TENM2: variants seen among roughly 807,000 people sequenced by gnomAD.
The protein encoded by TENM2 is teneurin-2.
Under a neutral mutation model 245.2 loss-of-function variants are expected in TENM2, and 52 were observed. The ratio of observed to expected loss-of-function variants is 0.21; its 90% CI spans 0.17 to 0.27. TENM2 has a LOEUF of 0.27. TENM2 is among the 10% of genes least tolerant of loss of function. TENM2 has a pLI of 1.00. For synonymous variants in TENM2, 1,363 were observed against 1,438.9 expected (o/e 0.95, Z 1.19); for missense variants, 3,046 against 3,666.8 (o/e 0.83, Z 4.37).
the TENM2 span, among the ~76,000 whole-genome samples, chr5:167,249,328 A>C: frequency 6.6e-6 from 1 of 152,130 alleles, no homozygotes; most frequent in Non-Finnish European, 1.5e-5. Context: ...TAAGGAAGGG[A>C]GTGGTAAATT....
chr5:167,207,441 G>C, the TENM2 span, among the ~76,000 whole-genome samples: 1 of 152,198 alleles, frequency 6.6e-6, no homozygotes, highest in African/African-American at 2.4e-5. Context: ...TTTTATTTAT[G>C]TTACAAAATA....
chr5:167,628,243 C>T (rs1778642437), intron 2 of TENM2, among the ~76,000 whole-genome samples: 1 of 152,154 alleles, frequency 6.6e-6, no homozygotes, highest in Admixed American at 6.5e-5. Context: ...TGGTCAGTGA[C>T]GTCTCTGTTT....
chr5:168,010,750 G>A lies in TENM2; in HGVS notation c.1186+17568G>A, dbSNP rs145948372. On this transcript the variant is annotated intron_variant, in intron 5 of 28. Coordinates refer to ENST00000518659, the Ensembl canonical transcript of TENM2. ...CAAATGCAAACACTCCTATTCTGCAGCTACGCTGATTAGCAGATCTTTTAT... is the reference window on the plus strand; with the variant it reads ...CAAATGCAAACACTCCTATTCTGCAACTACGCTGATTAGCAGATCTTTTAT... Among the ~76,000 whole-genome samples, 250 of 152,384 alleles carry A rather than the reference G, an allele frequency of 1.6e-3. 2 individuals carry two copies. The highest frequency in any genetic ancestry group is 5.8e-3 in the African/African-American group (240 of 41,598).
intron 2 of TENM2, among the ~76,000 whole-genome samples, chr5:167,718,124 G>A (rs1759387878): frequency 6.6e-6 from 1 of 152,180 alleles, no homozygotes; most frequent in Non-Finnish European, 1.5e-5. Flanking sequence ...CTGGCTTCCT[G>A]CAACATGACT....
intron 1 of TENM2, among the ~76,000 whole-genome samples, chr5:167,318,104 C>T (rs902417872): frequency 3.9e-5 from 6 of 152,126 alleles, no homozygotes; most frequent in Admixed American, 3.9e-4. Flanking sequence ...ACACAGAATG[C>T]AGATGGTGTG....
At chr5:167,485,943 G>GCA (rs1397427555) in intron 2 of TENM2, among the ~76,000 whole-genome samples, 1 of 151,914 alleles carries the variant, frequency 6.6e-6, no homozygotes, top group Admixed American at 6.6e-5. Flanking sequence ...TCATCTATGT[G>GCA]CACACACACA....
the TENM2 span, among the ~76,000 whole-genome samples, chr5:167,049,259 C>T: frequency 6.6e-6 from 1 of 152,210 alleles, no homozygotes; most frequent in Admixed American, 6.5e-5. Flanking sequence ...AATCAGCGCC[C>T]TCTAGGCACT....
At chr5:166,994,640 G>A in the TENM2 span, among the ~76,000 whole-genome samples, 1 of 152,274 alleles carries the variant, frequency 6.6e-6, no homozygotes, top group South Asian at 2.1e-4. Flanking sequence ...TATGTCTGGG[G>A]GAAAGGCAGG....
intron 2 of TENM2, among the ~76,000 whole-genome samples, chr5:167,445,371 T>TGAGAGA (rs370726285): frequency 6.1e-5 from 5 of 81,636 alleles, no homozygotes; most frequent in African/African-American, 3.1e-4. Context: ...AGAGAGAGAG[T>TGAGAGA]GTCAGGTGTT....
intron 2 of TENM2, among the ~76,000 whole-genome samples, chr5:167,690,923 A>ATGTGTGTGTG (rs375456466): frequency 7.6e-5 from 6 of 78,784 alleles, no homozygotes; most frequent in South Asian, 5.8e-4. Context: ...ATATGCGAGT[A>ATGTGTGTGTG]TGTGTGTGTG....
At chr5:167,013,475 T>C in the TENM2 span, among the ~76,000 whole-genome samples, 2 of 152,214 alleles carry the variant, frequency 1.3e-5, no homozygotes, top group South Asian at 2.1e-4. Context: ...CATTTTTTTT[T>C]CCCGAAAAGC....
chr5:167,280,990 G>A (rs933987714), upstream of TENM2, among the ~76,000 whole-genome samples: 4 of 151,970 alleles, frequency 2.6e-5, no homozygotes, highest in African/African-American at 4.8e-5. Flanking sequence ...GGAAAATAGG[G>A]AAAAGTATGT....
the TENM2 span, among the ~76,000 whole-genome samples, chr5:167,146,724 C>T: frequency 1.3e-5 from 2 of 152,146 alleles, no homozygotes; most frequent in Non-Finnish European, 2.9e-5. Flanking sequence ...CGATATTCTT[C>T]ACTAGCCCTT....
the TENM2 span, among the ~76,000 whole-genome samples, chr5:166,990,986 G>A: frequency 6.6e-6 from 1 of 151,856 alleles, no homozygotes; most frequent in South Asian, 2.1e-4. Context: ...TGTGCATGAA[G>A]TTAAAAAAGA....
intron 25 of TENM2, among the ~76,000 whole-genome samples, chr5:168,230,616 T>C (rs1764783150): frequency 6.6e-6 from 1 of 152,062 alleles, no homozygotes; most frequent in Non-Finnish European, 1.5e-5. Context: ...ATTGGCAAGA[T>C]GGGCTCTTCT....
the TENM2 span, among the ~76,000 whole-genome samples, chr5:167,200,672 G>A: frequency 1.9e-4 from 29 of 152,058 alleles, no homozygotes; most frequent in Non-Finnish European, 3.2e-4. Flanking sequence ...GATACCAAGC[G>A]ATGAGAACCG....
intron 2 of TENM2, among the ~76,000 whole-genome samples, chr5:167,597,461 C>T (rs536255877): frequency 2.0e-5 from 3 of 152,270 alleles, no homozygotes; most frequent in East Asian, 1.9e-4. Context: ...GGATTACAGG[C>T]GTGAGCCACC....
At chr5:167,605,446 G>C (rs1776964111) in intron 2 of TENM2, among the ~76,000 whole-genome samples, 1 of 151,998 alleles carries the variant, frequency 6.6e-6, no homozygotes, top group Non-Finnish European at 1.5e-5. Context: ...ATCCAAAAAG[G>C]GCCAGTGAAT....
At chr5:168,057,113 C>T (rs1468783965) in intron 6 of TENM2, among the ~76,000 whole-genome samples, 1 of 151,846 alleles carries the variant, frequency 6.6e-6, no homozygotes, top group African/African-American at 2.4e-5. Context: ...AGTGAAAACC[C>T]CTCTTTCCAA....
Sources: allele counts gnomAD v4.1 joint callset (sites outside exome capture counted in the v4.1 genomes callset), GRCh38; gene constraint gnomAD v4.1.1; transcripts MANE v1.5; gene names NCBI Gene and HGNC (gene_info 2026-07-23, HGNC 2026-07-21).